Variants in MED13L observed in about 807,000 individuals in gnomAD.
MED13L encodes the protein mediator complex subunit 13L.
MED13L carries 7 observed loss-of-function variants against 220.9 expected under a neutral mutation model. The observed-to-expected ratio is 0.03, with a 90% CI of 0.02 to 0.06. MED13L has a LOEUF of 0.06. Ranked by LOEUF, MED13L falls within the 10% of genes least tolerant of loss-of-function variation. The pLI is 1.00. For missense variants in MED13L, 1,965 were observed against 2,760.5 expected, an observed-to-expected ratio of 0.71 and a Z score of 6.46; for synonymous variants, 1,011 against 1,015.2, an observed-to-expected ratio of 1.00 and a Z score of 0.08.
chr12:116,185,283 T>C (rs1204651515), intron 2 of MED13L, among the ~76,000 whole-genome samples: 1 of 151,688 alleles, frequency 6.6e-6, no homozygotes, highest in Non-Finnish European at 1.5e-5. Context: ...TTCTTATTTT[T>C]AAAAATATAT....
Position 115,996,646 on chromosome 12 carries a change from T to A in MED13L, c.2826A>T (p.Gln942His). Residue 942 changes from glutamine to histidine, a missense_variant, in exon 16 of 31, where the codon CAA (glutamine) becomes CAT (histidine). This residue lies in a region of MED13L where 233 missense variants were observed against 306.2 expected (regional missense o/e 0.76). Coordinates refer to ENST00000281928, the MANE Select transcript of MED13L (RefSeq NM_015335.5). ...CAAACATGGAGGATCCCACAAAAGG[T>A]TGAAAGGATGGAACTTTGTGCACAT... ...FSYVHKVPSF[Q>H]PFVGSSMFAP... 1 of 1,613,772 alleles carries A rather than the reference T, an allele frequency of 6.2e-7. No homozygotes were observed. Among genetic ancestry groups the A allele is most frequent in the Non-Finnish European group, 8.5e-7 (1 of 1,179,924 alleles).
At chr12:116,199,846 T>G (rs186979602) in intron 2 of MED13L, among the ~76,000 whole-genome samples, 1 of 152,218 alleles carries the variant, frequency 6.6e-6, no homozygotes, top group East Asian at 1.9e-4. Context: ...ACTAATACCT[T>G]TATACACTAA....
chr12:116,070,684 G>C (rs1223219181), intron 4 of MED13L, among the ~76,000 whole-genome samples: 3 of 152,098 alleles, frequency 2.0e-5, no homozygotes, highest in Admixed American at 1.3e-4. Context: ...CACCCTAGAG[G>C]CCCTTAAAGA....
intron 2 of MED13L, among the ~76,000 whole-genome samples, chr12:116,143,791 C>G (rs887359981): frequency 2.6e-5 from 4 of 152,116 alleles, no homozygotes; most frequent in African/African-American, 9.7e-5. Flanking sequence ...AAGGATGGAC[C>G]TCACTAGGTT....
intron 2 of MED13L, among the ~76,000 whole-genome samples, chr12:116,154,107 G>T (rs1159456724): frequency 6.6e-6 from 1 of 152,178 alleles, no homozygotes; most frequent in East Asian, 1.9e-4. Context: ...TGTGCTAACT[G>T]ATTTCCATGT....
At chr12:116,055,944 G>A (rs897715821) in intron 4 of MED13L, among the ~76,000 whole-genome samples, 4 of 151,284 alleles carry the variant, frequency 2.6e-5, no homozygotes, top group Non-Finnish European at 5.9e-5. Flanking sequence ...ACACCAAAAT[G>A]AGCTTAGTTA....
At chr12:116,102,711 T>C (rs12820915) in intron 3 of MED13L, among the ~76,000 whole-genome samples, 2 of 43,408 alleles carry the variant, frequency 4.6e-5, no homozygotes, top group African/African-American at 1.8e-4. Flanking sequence ...TTCTTTTTTC[T>C]TTTTTTTTTT....
intron 5 of MED13L, among the ~76,000 whole-genome samples, chr12:116,021,175 A>AC (rs1292671847): frequency 6.6e-6 from 1 of 152,178 alleles, no homozygotes; most frequent in Admixed American, 6.5e-5. Flanking sequence ...ATAATGCTCC[A>AC]CAAAAGTATT....
intron 23 of MED13L, among the ~76,000 whole-genome samples, chr12:115,976,572 T>G (rs1182579123): frequency 6.6e-6 from 1 of 152,218 alleles, no homozygotes; most frequent in East Asian, 1.9e-4. Flanking sequence ...ATTTTTTTAA[T>G]TACTGAAAAT....
At chr12:115,997,859 GAA>G (rs1275807263) in intron 14 of MED13L, among the ~76,000 whole-genome samples, 2 of 152,224 alleles carry the variant, frequency 1.3e-5, no homozygotes, top group African/African-American at 4.8e-5. Context: ...GAATTAAACA[GAA>G]AGTGGAAGCA....
At chr12:116,161,594 T>A (rs1196431056) in intron 2 of MED13L, among the ~76,000 whole-genome samples, 1 of 152,106 alleles carries the variant, frequency 6.6e-6, no homozygotes, top group African/African-American at 2.4e-5. Flanking sequence ...CCCGTCAAAG[T>A]GAGCCCACAA....
intron 16 of MED13L, among the ~76,000 whole-genome samples, chr12:115,992,364 G>A (rs1216376711): frequency 6.6e-6 from 1 of 151,980 alleles, no homozygotes; most frequent in Non-Finnish European, 1.5e-5. Context: ...ACCATAGGAT[G>A]AAATTTCCAT....
intron 1 of MED13L, chr12:116,276,848 A>C: frequency 9.6e-7 from 1 of 1,040,608 alleles, no homozygotes; most frequent in Non-Finnish European, 1.4e-6. Context: ...GCGCTCACAA[A>C]TGATTTTTAA....
rs1405957625 is a variant in MED13L at position 116,277,300 on chromosome 12, C to T, written c.-169G>A. On this transcript the variant is annotated 5_prime_UTR_variant, in exon 1 of 31. Coordinates refer to ENST00000281928, the MANE Select transcript of MED13L (RefSeq NM_015335.5). ...GGGCAGGCGGGAGGCGCCGCGGCGA[C>T]GCCGCGCCGGGGGCAGCGGGCCCGG... 2 of 3,990 alleles carry T rather than the reference C, an allele frequency of 5.0e-4. No homozygotes were observed. Among genetic ancestry groups the T allele is most frequent in the East Asian group, 0.037 (2 of 54 alleles). The allele number at this position is 3,990 out of a possible 1,614,324, so 0.2% of individuals were successfully genotyped here.
intron 2 of MED13L, among the ~76,000 whole-genome samples, chr12:116,231,610 T>C (rs1333105559): frequency 6.6e-6 from 1 of 152,180 alleles, no homozygotes; most frequent in Non-Finnish European, 1.5e-5. Flanking sequence ...AAGGTATTGC[T>C]AAGACAATTG....
chr12:116,276,349 T>TGTGTGTGC (rs1171651334), intron 1 of MED13L: 29 of 646,184 alleles, frequency 4.5e-5, no homozygotes, highest in Non-Finnish European at 5.7e-5. Flanking sequence ...TGTGTGTGTG[T>TGTGTGTGC]GTGCGGATTC....
intron 1 of MED13L, among the ~76,000 whole-genome samples, chr12:116,259,131 TAAAC>T (rs772294991): frequency 7.2e-5 from 11 of 152,292 alleles, no homozygotes; most frequent in Non-Finnish European, 1.2e-4. Flanking sequence ...AGTTGATGGT[TAAAC>T]AAACAATAGT....
chr12:115,974,649 C>A (rs536494075), intron 25 of MED13L, among the ~76,000 whole-genome samples: 1 of 152,276 alleles, frequency 6.6e-6, no homozygotes, highest in African/African-American at 2.4e-5. Context: ...AGCTTCCAGG[C>A]TCAAGAACAT....
chr12:116,122,979 A>C (rs374521790), intron 2 of MED13L, among the ~76,000 whole-genome samples: 3 of 152,220 alleles, frequency 2.0e-5, no homozygotes, highest in African/African-American at 7.2e-5. Context: ...CTGAAAAAGA[A>C]ATCTTGCACA....
Sources: gnomAD v4.1 joint callset for allele counts (sites outside exome capture counted in the v4.1 genomes callset) on GRCh38, gnomAD v4.1.1 for gene constraint, gnomAD v4.1.1 regional missense constraint, MANE v1.5 for transcripts, NCBI Gene and HGNC (gene_info 2026-07-23, HGNC 2026-07-21) for gene names.